PPHLN1: variants seen among roughly 807,000 people sequenced by gnomAD.
The protein encoded by PPHLN1 is periphilin-1.
In PPHLN1, 29 loss-of-function variants were observed where a neutral mutation model predicts 51.3. The observed-to-expected ratio is 0.57, with a 90% confidence interval of 0.42 to 0.77. The LOEUF is 0.77. Among genes scored for constraint, PPHLN1 ranks in the 30% least tolerant of loss-of-function variants. The pLI, the probability that PPHLN1 is intolerant of heterozygous loss-of-function variation, is 0.00. For missense variants in PPHLN1, 436 were observed against 438.4 expected (o/e 0.99, Z 0.05); for synonymous variants, 147 against 147.8 (o/e 0.99, Z 0.04).
downstream of PPHLN1, chr12:42,446,895 C>T (rs2083348965): frequency 1.3e-5 from 5 of 391,112 alleles, no homozygotes; most frequent in East Asian, 1.8e-4. Context: ...AGTTTGTTTA[C>T]TTATGCCCTC....
At chr12:42,365,488 T>C (rs1025745605) in intron 4 of PPHLN1, among the ~76,000 whole-genome samples, 6 of 152,184 alleles carry the variant, frequency 3.9e-5, no homozygotes, top group Admixed American at 6.5e-5. Context: ...CTGCTGACAC[T>C]GAGGGTTCTA....
At position 42,441,720 on chromosome 12, in the gene PPHLN1, A is replaced by G; in HGVS notation, c.*211A>G. The stretch of plus-strand genomic sequence containing the variant: ...ATTTTTTGTAGAGATGGGGTTCACC[A>G]TGTTGGCCAGGCTAGTCTCTAACTC... On this transcript the variant is annotated 3_prime_UTR_variant, in exon 10 of 10. Transcript: ENST00000358314. 1 of 1,210,760 alleles carries G rather than the reference A, an allele frequency of 8.3e-7. No individual in the cohort carries two copies. Among genetic ancestry groups the G allele is most frequent in the Non-Finnish European group, 1.0e-6 (1 of 954,138 alleles). The allele number at this position is 1,210,760 out of a possible 1,614,324, so 75.0% of individuals were successfully genotyped here.
downstream of PPHLN1, chr12:42,446,725 A>G (rs2083343307): frequency 1.4e-6 from 2 of 1,422,088 alleles, no homozygotes; most frequent in East Asian, 2.4e-5. Context: ...TCAGGTTGGT[A>G]GGAGAAGCTA....
intron 9 of PPHLN1, among the ~76,000 whole-genome samples, chr12:42,423,420 T>G (rs1174764585): frequency 6.6e-6 from 1 of 152,170 alleles, no homozygotes; most frequent in Non-Finnish European, 1.5e-5. Flanking sequence ...CTATTTATAT[T>G]AGTTATGAGT....
At chr12:42,358,365 A>G (rs775889167) in intron 4 of PPHLN1, among the ~76,000 whole-genome samples, 1 of 151,992 alleles carries the variant, frequency 6.6e-6, no homozygotes, top group African/African-American at 2.4e-5. Context: ...ATTCATAAAC[A>G]TTTAGGGTTT....
In PPHLN1 at chr12:42,400,797, TTCACACA is replaced by T. The variant is rs1565944623; in HGVS notation, c.909+1804_909+1810del. 9.4e-5 allele frequency among the ~76,000 whole-genome samples: 9 copies of T among 95,720 alleles called. No individual in the cohort carries two copies. The East Asian group carries it at 1.3e-3, about 14-fold the overall frequency. 62.8% of individuals were successfully genotyped at this position (95,720 alleles called of 152,430 possible). On this transcript the variant is annotated intron_variant, in intron 9 of 9. Coordinates refer to ENST00000358314, the MANE Select transcript of PPHLN1 (RefSeq NM_201439.2). ...TCTTTCTCTCTCTCTCTCTCTCTCT[TTCACACA>T]CACACACACACACACACACACACAC...
intron 4 of PPHLN1, among the ~76,000 whole-genome samples, chr12:42,372,440 A>G (rs530957171): frequency 3.3e-5 from 5 of 152,328 alleles, no homozygotes; most frequent in South Asian, 4.1e-4. Flanking sequence ...AAGGTAGGCA[A>G]TCTTTCCTCT....
chr12:42,367,659 CTGTT>C (rs2075400598), intron 4 of PPHLN1, among the ~76,000 whole-genome samples: 1 of 152,026 alleles, frequency 6.6e-6, no homozygotes, highest in Non-Finnish European at 1.5e-5. Context: ...TATCGTTTGT[CTGTT>C]TTTTATTAGT....
chr12:42,326,880 G>T (rs1337186854), intron 1 of PPHLN1, among the ~76,000 whole-genome samples: 3 of 152,156 alleles, frequency 2.0e-5, no homozygotes, highest in Non-Finnish European at 4.4e-5. Flanking sequence ...CTCCCTGGGA[G>T]CCTGCGTTCC....
At chr12:42,339,198 T>G (rs2071124263) in intron 2 of PPHLN1, among the ~76,000 whole-genome samples, 1 of 152,286 alleles carries the variant, frequency 6.6e-6, no homozygotes, top group African/African-American at 2.4e-5. Context: ...GCCTAGATTG[T>G]TTTTCTCTTT....
At chr12:42,330,359 G>A (rs2069521284) in intron 1 of PPHLN1, among the ~76,000 whole-genome samples, 1 of 152,216 alleles carries the variant, frequency 6.6e-6, no homozygotes, top group African/African-American at 2.4e-5. Context: ...CCCTTCATGG[G>A]TGTCGGGCTG....
downstream of PPHLN1, chr12:42,444,877 A>G: frequency 1.7e-6 from 1 of 582,292 alleles, no homozygotes; most frequent in Non-Finnish European, 3.0e-6. Context: ...GGCTCTCGTA[A>G]AAATGGAAAA....
intron 9 of PPHLN1, among the ~76,000 whole-genome samples, chr12:42,417,385 G>C (rs11181495): frequency 0.2 from 30,224 of 151,988 alleles, 3,404 homozygotes; most frequent in African/African-American, 0.3. Flanking sequence ...TTGGGAAAGA[G>C]GCAGTTTTGC....
intron 1 of PPHLN1, among the ~76,000 whole-genome samples, chr12:42,334,129 G>T (rs559092670): frequency 6.6e-6 from 1 of 152,116 alleles, no homozygotes; most frequent in Non-Finnish European, 1.5e-5. Flanking sequence ...CAGTAAAGGT[G>T]GGGGAGGAGG....
chr12:42,358,959 TA>T (rs1474877448), intron 4 of PPHLN1, among the ~76,000 whole-genome samples: 1 of 152,230 alleles, frequency 6.6e-6, no homozygotes, highest in African/African-American at 2.4e-5. Context: ...CATGTGTGTT[TA>T]ATTTTTTTTA....
chr12:42,331,939 C>T (rs932175617), intron 1 of PPHLN1: 4 of 152,232 alleles, frequency 2.6e-5, no homozygotes, highest in African/African-American at 9.6e-5. Flanking sequence ...TCATAAACAA[C>T]ATATGCCGCT....
intron 9 of PPHLN1, among the ~76,000 whole-genome samples, chr12:42,428,583 A>G (rs2081716920): frequency 1.3e-5 from 2 of 152,116 alleles, no homozygotes; most frequent in African/African-American, 4.8e-5. Context: ...GCAAAGGCAT[A>G]AGAAAGACAC....
chr12:42,349,561 G>A (rs1296812503), intron 2 of PPHLN1, among the ~76,000 whole-genome samples: 7 of 151,994 alleles, frequency 4.6e-5, no homozygotes, highest in Admixed American at 2.6e-4. Flanking sequence ...GCGGCCTTCC[G>A]CAGTGTTTGT....
chr12:42,396,008 T>C (rs768685897), intron 8 of PPHLN1, among the ~76,000 whole-genome samples: 3 of 152,154 alleles, frequency 2.0e-5, no homozygotes, highest in African/African-American at 4.8e-5. Context: ...TATACTTTCA[T>C]CTTCTGGGCT....
Sources: gnomAD v4.1 joint callset for allele counts (sites outside exome capture counted in the v4.1 genomes callset) on GRCh38, gnomAD v4.1.1 for gene constraint, MANE v1.5 for transcripts, NCBI Gene and HGNC (gene_info 2026-07-23, HGNC 2026-07-21) for gene names.